FTO: variants seen among roughly 807,000 people sequenced by gnomAD.
FTO encodes the protein alpha-ketoglutarate-dependent dioxygenase FTO.
Under a neutral mutation model 63.9 loss-of-function variants are expected in FTO, and 47 were observed. The ratio of observed to expected loss-of-function variants is 0.74; its 90% CI spans 0.58 to 0.94. The LOEUF (loss-of-function observed/expected upper bound fraction) is 0.94, where lower values mean the gene tolerates loss of function less well. FTO is among the 40% of genes least tolerant of loss of function. FTO has a pLI of 0.00. For synonymous variants in FTO, 207 were observed against 224.4 expected (o/e 0.92, Z 0.69); for missense variants, 562 against 618.1 (o/e 0.91, Z 0.96).
intron 4 of FTO, among the ~76,000 whole-genome samples, chr16:53,855,462 A>C (rs1267821131): frequency 2.0e-5 from 3 of 152,166 alleles, no homozygotes; most frequent in African/African-American, 7.2e-5. Context: ...CCTGTACAGC[A>C]CCTAACACAG....
At chr16:54,064,946 T>A (rs1170607486) in intron 8 of FTO, among the ~76,000 whole-genome samples, 1 of 151,508 alleles carries the variant, frequency 6.6e-6, no homozygotes, top group Non-Finnish European at 1.5e-5. Context: ...AAGTGAGAGG[T>A]CTTTCCCTGG....
chr16:53,926,063 G>C (rs1383165929), intron 7 of FTO, among the ~76,000 whole-genome samples: 1 of 152,124 alleles, frequency 6.6e-6, no homozygotes, highest in Non-Finnish European at 1.5e-5. Flanking sequence ...AATATGCTGT[G>C]TGTTGCCAGA....
Position 54,118,205 on chromosome 16 carries a change from C to G in FTO, c.*6290C>G, listed in dbSNP as rs1194917135. 1 of 152,148 alleles carries G rather than the reference C, an allele frequency of 6.6e-6. No individual in the cohort carries two copies. Among genetic ancestry groups the G allele is most frequent in the Non-Finnish European group, 1.5e-5 (1 of 68,040 alleles). The allele number at this position is 152,148 out of a possible 1,614,324, so 9.4% of individuals were successfully genotyped here. On this transcript the variant is annotated 3_prime_UTR_variant, in exon 9 of 9. Coordinates refer to ENST00000471389, the MANE Select transcript of FTO (RefSeq NM_001080432.3). Reference sequence around the variant, plus strand: ...AGAGATGGGAAGTGCTGGCCTAGGACAGCAAGGTGCCCTACAGGTGGGGCC... The same window carrying G: ...AGAGATGGGAAGTGCTGGCCTAGGAGAGCAAGGTGCCCTACAGGTGGGGCC...
chr16:54,081,334 T>C (rs1271972234), intron 8 of FTO, among the ~76,000 whole-genome samples: 2 of 152,202 alleles, frequency 1.3e-5, no homozygotes, highest in African/African-American at 2.4e-5. Context: ...CTAATTTCAT[T>C]TTCCAGCAAC....
intron 4 of FTO, among the ~76,000 whole-genome samples, chr16:53,850,083 G>A (rs1406295320): frequency 6.6e-6 from 1 of 152,182 alleles, no homozygotes; most frequent in Non-Finnish European, 1.5e-5. Context: ...TAGGTGCTAT[G>A]TTCTGCTTTC....
intron 8 of FTO, among the ~76,000 whole-genome samples, chr16:53,987,582 CAA>C (rs770347637): frequency 7.3e-5 from 9 of 123,026 alleles, no homozygotes; most frequent in Admixed American, 8.4e-5. Context: ...GACTCTGTCT[CAA>C]AAAAAAAAAA....
At chr16:53,752,051 G>T (rs2076808200) in intron 1 of FTO, among the ~76,000 whole-genome samples, 1 of 152,176 alleles carries the variant, frequency 6.6e-6, no homozygotes, top group African/African-American at 2.4e-5. Flanking sequence ...AAAGACATAT[G>T]TATAAGAATA....
chr16:54,040,435 T>C (rs1282747967), intron 8 of FTO: 1 of 152,226 alleles, frequency 6.6e-6, no homozygotes, highest in Non-Finnish European at 1.5e-5. Flanking sequence ...TTTAAGCACA[T>C]AGAGAAATCT....
At chr16:53,951,022 A>G (rs1599068898) in intron 8 of FTO, among the ~76,000 whole-genome samples, 1 of 152,200 alleles carries the variant, frequency 6.6e-6, no homozygotes, top group East Asian at 1.9e-4. Flanking sequence ...GGAAACCTTT[A>G]TGTCCCGTTC....
chr16:53,815,103 GA>G (rs2078637435), intron 2 of FTO, among the ~76,000 whole-genome samples: 1 of 152,022 alleles, frequency 6.6e-6, no homozygotes, highest in African/African-American at 2.4e-5. Context: ...GAGAGAGAGA[GA>G]GAGAGGCCCG....
chr16:53,837,699 G>A (rs1416013215), intron 3 of FTO, among the ~76,000 whole-genome samples: 2 of 150,780 alleles, frequency 1.3e-5, no homozygotes, highest in Non-Finnish European at 3.0e-5. Flanking sequence ...CTTTCCTAGT[G>A]ATGTAGTCCA....
At chr16:53,850,275 T>C (rs142325358) in intron 4 of FTO, among the ~76,000 whole-genome samples, 64 of 152,250 alleles carry the variant, frequency 4.2e-4, no homozygotes, top group African/African-American at 1.4e-3. Flanking sequence ...GCCTATCCAA[T>C]ATGAACTTCT....
intron 7 of FTO, among the ~76,000 whole-genome samples, chr16:53,920,853 C>T (rs998281392): frequency 6.6e-6 from 1 of 151,992 alleles, no homozygotes; most frequent in East Asian, 1.9e-4. Context: ...GACCAGTTCT[C>T]TAGGCCTGGG....
intron 1 of FTO, among the ~76,000 whole-genome samples, chr16:53,708,145 G>A (rs146067829): frequency 6.6e-6 from 1 of 152,244 alleles, no homozygotes; most frequent in Non-Finnish European, 1.5e-5. Context: ...GATCACCTGA[G>A]GTCAGGATAA....
intron 8 of FTO, among the ~76,000 whole-genome samples, chr16:53,969,683 T>C (rs1447011356): frequency 6.6e-6 from 1 of 152,356 alleles, no homozygotes; most frequent in East Asian, 1.9e-4. Context: ...ACTCTCTGTT[T>C]CTATACCTTC....
intron 8 of FTO, among the ~76,000 whole-genome samples, chr16:53,979,871 C>T (rs995021504): frequency 6.6e-6 from 1 of 152,204 alleles, no homozygotes; most frequent in Non-Finnish European, 1.5e-5. Context: ...GGTGCTTGCA[C>T]CCTTCCAGAG....
chr16:54,057,750 C>A (rs2085470578), intron 8 of FTO, among the ~76,000 whole-genome samples: 1 of 152,000 alleles, frequency 6.6e-6, no homozygotes, highest in Admixed American at 6.5e-5. Context: ...TGTATGCTCG[C>A]CCGATATATA....
chr16:54,083,776 G>A (rs1488196107), intron 8 of FTO, among the ~76,000 whole-genome samples: 1 of 152,174 alleles, frequency 6.6e-6, no homozygotes, highest in Non-Finnish European at 1.5e-5. Flanking sequence ...TGGGATTTTG[G>A]AAAGTTTGCG....
At chr16:53,740,320 T>C (rs2076502849) in intron 1 of FTO, among the ~76,000 whole-genome samples, 1 of 152,226 alleles carries the variant, frequency 6.6e-6, no homozygotes, top group Non-Finnish European at 1.5e-5. Flanking sequence ...CTGGATGTCA[T>C]CAGTTACATC....
Sources: gnomAD v4.1 joint callset for allele counts (sites outside exome capture counted in the v4.1 genomes callset) on GRCh38, gnomAD v4.1.1 for gene constraint, MANE v1.5 for transcripts, NCBI Gene and HGNC (gene_info 2026-07-23, HGNC 2026-07-21) for gene names.